UNC5C: variants seen among roughly 807,000 people sequenced by gnomAD.
UNC5C encodes netrin receptor UNC5C.
Under a neutral mutation model 99.8 loss-of-function variants are expected in UNC5C, and 47 were observed. That is an observed-to-expected ratio of 0.47 (90% CI 0.37 to 0.60). UNC5C has a LOEUF of 0.60. UNC5C is among the 20% of genes least tolerant of loss of function. The pLI is 0.00. For synonymous variants in UNC5C, 487 were observed against 452.2 expected, an observed-to-expected ratio of 1.08 and a Z score of -0.98; for missense variants, 1,062 against 1,165.9, an observed-to-expected ratio of 0.91 and a Z score of 1.30.
chr4:95,192,945 CTTTCTT>C (rs1737215009), intron 12 of UNC5C, among the ~76,000 whole-genome samples: 1 of 152,172 alleles, frequency 6.6e-6, no homozygotes, highest in African/African-American at 2.4e-5. Flanking sequence ...ACTTTTCTGT[CTTTCTT>C]TTCTTTCCCT....
intron 12 of UNC5C, among the ~76,000 whole-genome samples, chr4:95,197,310 A>G (rs1353182904): frequency 6.6e-6 from 1 of 151,706 alleles, no homozygotes; most frequent in Non-Finnish European, 1.5e-5. Context: ...CTGGGCTTCT[A>G]TCTCTGCCCT....
chr4:95,248,474 T>C, intron 5 of UNC5C: 1 of 448,674 alleles, frequency 2.2e-6, no homozygotes, highest in Non-Finnish European at 4.5e-6. Context: ...AACTTCCCCG[T>C]GGTCTCAACT....
chr4:95,187,684 G>C (rs1033948229), intron 12 of UNC5C, among the ~76,000 whole-genome samples: 2 of 152,158 alleles, frequency 1.3e-5, no homozygotes, highest in Non-Finnish European at 2.9e-5. Context: ...TCTCCCTAGT[G>C]GGGAAAAAGC....
intron 1 of UNC5C, among the ~76,000 whole-genome samples, chr4:95,377,441 A>G (rs1323969244): frequency 6.6e-6 from 1 of 152,208 alleles, no homozygotes; most frequent in Non-Finnish European, 1.5e-5. Flanking sequence ...ATGTTAAGAT[A>G]AAAATCCCTC....
chr4:95,427,942 A>T (rs977055894), intron 1 of UNC5C, among the ~76,000 whole-genome samples: 6 of 152,096 alleles, frequency 3.9e-5, no homozygotes, highest in Non-Finnish European at 8.8e-5. Context: ...CTCACAAATG[A>T]TATTTTTCTA....
At chr4:95,535,874 A>T (rs1248082520) in intron 1 of UNC5C, among the ~76,000 whole-genome samples, 3 of 152,048 alleles carry the variant, frequency 2.0e-5, no homozygotes, top group Non-Finnish European at 4.4e-5. Context: ...TCTAGCAATT[A>T]AAGAAAGATT....
At position 95,219,019 on chromosome 4, in the gene UNC5C, G is replaced by A; in HGVS notation, c.1595C>T (p.Ala532Val). 1 of 1,613,730 alleles carries A rather than the reference G, an allele frequency of 6.2e-7. No homozygotes were observed. Among genetic ancestry groups the A allele is most frequent in the Non-Finnish European group, 8.5e-7 (1 of 1,179,770 alleles). The change falls in exon 9 of 16, where the codon GCA becomes GTA. Residue 532 changes from alanine (A) to valine (V), a missense_variant. Around this residue, in one of 3 missense-constraint regions of UNC5C, gnomAD observed 810 missense variants for 854.5 expected, o/e 0.95. Transcript: ENST00000453304. ...TCCCAGCGAGTTGAAGCTGCCAAAT[G>A]CGGTACAGGATGGATCAGTCTGCCT... ...LARQTDPSCT[A>V]FGSFNSLGGH... is the part of the protein sequence containing the mutation.
chr4:95,373,159 G>A (rs546338984), intron 1 of UNC5C, among the ~76,000 whole-genome samples: 12 of 152,134 alleles, frequency 7.9e-5, no homozygotes, highest in African/African-American at 1.9e-4. Flanking sequence ...ACCCCTAAAC[G>A]CAACTATCCC....
chr4:95,169,231 T>G lies in UNC5C; in HGVS notation c.*3A>C, dbSNP rs1185804126. On this transcript the variant is annotated 3_prime_UTR_variant, in exon 16 of 16. Coordinates refer to ENST00000453304, the MANE Select transcript of UNC5C (RefSeq NM_003728.4). The stretch of plus-strand genomic sequence containing the variant: ...TCCTTCATTTCCCCTTCCAGCATGG[T>G]GGTTAATACTGCCCTTCTGCTGCTA... 3.1e-6 allele frequency: 5 copies of G among 1,613,300 alleles called. No individual in the cohort carries two copies. Among genetic ancestry groups the G allele is most frequent in the Non-Finnish European group, 4.2e-6 (5 of 1,179,558 alleles).
At chr4:95,189,381 G>A (rs1736972177) in intron 12 of UNC5C, among the ~76,000 whole-genome samples, 1 of 152,196 alleles carries the variant, frequency 6.6e-6, no homozygotes, top group South Asian at 2.1e-4. Context: ...CGACCTCTGT[G>A]CTCAGGCAGT....
At chr4:95,502,007 C>A (rs1396982271) in intron 1 of UNC5C, among the ~76,000 whole-genome samples, 1 of 152,136 alleles carries the variant, frequency 6.6e-6, no homozygotes. Context: ...AAATCAGCCT[C>A]TGAAGAAGTG....
chr4:95,466,327 G>C (rs1025311235), intron 1 of UNC5C, among the ~76,000 whole-genome samples: 1 of 151,848 alleles, frequency 6.6e-6, no homozygotes, highest in Admixed American at 6.6e-5. Flanking sequence ...ATCTAGTGAA[G>C]GTAACAGACA....
At chr4:95,331,948 C>A (rs900153696) in intron 2 of UNC5C, among the ~76,000 whole-genome samples, 1 of 152,086 alleles carries the variant, frequency 6.6e-6, no homozygotes, top group African/African-American at 2.4e-5. Context: ...AGAGCCAAAT[C>A]ATGAGTGAAC....
intron 1 of UNC5C, among the ~76,000 whole-genome samples, chr4:95,521,009 G>T (rs1722340618): frequency 6.6e-6 from 1 of 151,938 alleles, no homozygotes; most frequent in South Asian, 2.1e-4. Context: ...TGTCTTAAAT[G>T]GGTTCAGGCT....
intron 4 of UNC5C, among the ~76,000 whole-genome samples, chr4:95,261,314 A>G (rs1037962037): frequency 2.6e-5 from 4 of 152,184 alleles, no homozygotes; most frequent in Non-Finnish European, 5.9e-5. Flanking sequence ...TAGGACCAAT[A>G]CAGGTTTACT....
chr4:95,522,654 A>C (rs1722390100), intron 1 of UNC5C, among the ~76,000 whole-genome samples: 1 of 152,222 alleles, frequency 6.6e-6, no homozygotes, highest in Admixed American at 6.5e-5. Flanking sequence ...CAACCTCTAA[A>C]ATCACAGTAA....
chr4:95,430,955 C>T (rs1382487238), intron 1 of UNC5C, among the ~76,000 whole-genome samples: 2 of 152,120 alleles, frequency 1.3e-5, no homozygotes, highest in African/African-American at 4.8e-5. Flanking sequence ...CTTCTTCAAG[C>T]TCATCTTTAC....
intron 14 of UNC5C, among the ~76,000 whole-genome samples, chr4:95,171,639 T>C (rs971599511): frequency 5.3e-5 from 8 of 151,992 alleles, no homozygotes; most frequent in African/African-American, 1.7e-4. Context: ...AGTCTATCAT[T>C]GTTGGACATT....
intron 1 of UNC5C, among the ~76,000 whole-genome samples, chr4:95,436,366 C>A (rs770375376): frequency 8.6e-5 from 13 of 151,758 alleles, no homozygotes; most frequent in Non-Finnish European, 1.6e-4. Context: ...ATTTTTGAAG[C>A]TAGAAAAGAT....
Sources: gnomAD v4.1 joint callset for allele counts (sites outside exome capture counted in the v4.1 genomes callset) on GRCh38, gnomAD v4.1.1 for gene constraint, gnomAD v4.1.1 regional missense constraint, MANE v1.5 for transcripts, NCBI Gene and HGNC (gene_info 2026-07-23, HGNC 2026-07-21) for gene names.